Variants in ANK2 observed in about 807,000 individuals in gnomAD.
ANK2 encodes ankyrin-2.
A neutral mutation model predicts 360.5 loss-of-function variants in ANK2; 83 were observed. The observed-to-expected ratio is 0.23, with a 90% CI of 0.19 to 0.28. ANK2 has a LOEUF of 0.28. ANK2 is among the 10% of genes least tolerant of loss of function. The pLI is 1.00. For synonymous variants in ANK2, 1,740 were observed against 1,759.5 expected (o/e 0.99, Z 0.28); for missense variants, 4,201 against 4,795.7 (o/e 0.88, Z 3.66).
At chr4:113,051,608 T>G (rs1393720860) in intron 1 of ANK2, among the ~76,000 whole-genome samples, 1 of 152,108 alleles carries the variant, frequency 6.6e-6, no homozygotes, top group Non-Finnish European at 1.5e-5. Context: ...AGAAATTGCT[T>G]TTGAAAAAAA....
intron 1 of ANK2, among the ~76,000 whole-genome samples, chr4:113,063,927 A>G (rs1189819576): frequency 6.6e-6 from 1 of 152,180 alleles, no homozygotes; most frequent in Admixed American, 6.6e-5. Flanking sequence ...CAAATCCCAC[A>G]TTATTTATGG....
chr4:113,159,841 C>T (rs1277942425), intron 1 of ANK2, among the ~76,000 whole-genome samples: 1 of 151,912 alleles, frequency 6.6e-6, no homozygotes, highest in Non-Finnish European at 1.5e-5. Context: ...AGGCTGGTCT[C>T]AAACTCCTGA....
At chr4:113,103,489 T>A in intron 1 of ANK2, among the ~76,000 whole-genome samples, 1 of 152,274 alleles carries the variant, frequency 6.6e-6, no homozygotes, top group African/African-American at 2.4e-5. Flanking sequence ...AGGAAAAGAA[T>A]GTCAGTGATG....
At chr4:112,968,060 A>C (rs932608768) in intron 2 of ANK2, among the ~76,000 whole-genome samples, 3 of 152,158 alleles carry the variant, frequency 2.0e-5, no homozygotes, top group African/African-American at 7.2e-5. Flanking sequence ...TTTTTATTCC[A>C]GGGAGATTTG....
chr4:113,268,178 C>T (rs1485653104), intron 14 of ANK2, among the ~76,000 whole-genome samples: 1 of 152,110 alleles, frequency 6.6e-6, no homozygotes, highest in African/African-American at 2.4e-5. Context: ...TCAAAATATA[C>T]AATCAAGTCA....
intron 2 of ANK2, among the ~76,000 whole-genome samples, chr4:112,987,923 G>C (rs1021410056): frequency 3.3e-5 from 5 of 152,034 alleles, no homozygotes; most frequent in Admixed American, 6.5e-5. Flanking sequence ...TCAGACCCCA[G>C]AACTGACAGT....
At chr4:113,217,153 T>A (rs1038746335) in intron 4 of ANK2, 4 of 152,182 alleles carry the variant, frequency 2.6e-5, no homozygotes, top group Admixed American at 2.6e-4. Flanking sequence ...TCTCTGTCCT[T>A]TGTATGAAAT....
intron 26 of ANK2, among the ~76,000 whole-genome samples, chr4:113,322,849 T>G (rs967464685): frequency 6.6e-6 from 1 of 152,242 alleles, no homozygotes; most frequent in African/African-American, 2.4e-5. Flanking sequence ...ATATTAATGT[T>G]TATCTAATAT....
At chr4:112,957,705 C>T (rs1581905342) in intron 2 of ANK2, among the ~76,000 whole-genome samples, 1 of 151,182 alleles carries the variant, frequency 6.6e-6, no homozygotes, top group African/African-American at 2.4e-5. Context: ...GACCCCCCCA[C>T]CTCCCTCCCG....
intron 23 of ANK2, among the ~76,000 whole-genome samples, chr4:113,309,105 A>G (rs537671712): frequency 5.6e-4 from 85 of 152,312 alleles, no homozygotes; most frequent in African/African-American, 2.0e-3. Context: ...TTCACTTTCC[A>G]TCTTTCACTG....
rs1175126635 is a variant in ANK2, at chr4:113,304,710, T to C, written c.2548+1871T>C. On this transcript the variant is annotated intron_variant, in intron 23 of 45. Transcript: ENST00000357077. ...TATATCACTCCCTTGGTTGATGATATATTTTAGGTGTGATTAAAAATATAT... is the reference window on the plus strand; with the variant it reads ...TATATCACTCCCTTGGTTGATGATACATTTTAGGTGTGATTAAAAATATAT... Among the ~76,000 whole-genome samples, 6 of 152,334 alleles carry C rather than the reference T, an allele frequency of 3.9e-5. No homozygotes were observed. In the East Asian group the frequency reaches 1.2e-3, roughly 29 times the overall value.
intron 1 of ANK2, among the ~76,000 whole-genome samples, chr4:113,076,027 T>G (rs2079803610): frequency 6.6e-6 from 1 of 152,184 alleles, no homozygotes; most frequent in Non-Finnish European, 1.5e-5. Flanking sequence ...GAAACAAGCA[T>G]TCCAGGAGAT....
chr4:113,087,311 G>A (rs2085345773), intron 1 of ANK2, among the ~76,000 whole-genome samples: 1 of 152,118 alleles, frequency 6.6e-6, no homozygotes, highest in Non-Finnish European at 1.5e-5. Context: ...AATGTTTAGT[G>A]CTGTTAAAAA....
rs17045845 is a variant in ANK2 at position 113,285,053 on chromosome 4, G to A, written c.2079+2181G>A. On this transcript the variant is annotated intron_variant, in intron 18 of 45. Transcript: ENST00000357077. ...AAAATAAAACCAAAAAAGATCCGTCGTTGGGTCCACCAGTGTGTCTTAGGA... is the reference window on the plus strand; with the variant it reads ...AAAATAAAACCAAAAAAGATCCGTCATTGGGTCCACCAGTGTGTCTTAGGA... Among the ~76,000 whole-genome samples the A allele has an allele frequency of 9.2e-3, 1,394 of 152,072 alleles. 34 individuals carry two copies. The highest frequency in any genetic ancestry group is 0.032 in the African/African-American group (1,331 of 41,486).
intron 1 of ANK2, among the ~76,000 whole-genome samples, chr4:113,106,309 C>T (rs1013196638): frequency 1.3e-5 from 2 of 152,098 alleles, no homozygotes; most frequent in Admixed American, 6.5e-5. Flanking sequence ...ACACACATGA[C>T]AAAAAAATTC....
At chr4:112,916,002 G>A (rs534205499) in intron 2 of ANK2, among the ~76,000 whole-genome samples, 1 of 152,076 alleles carries the variant, frequency 6.6e-6, no homozygotes, top group South Asian at 2.1e-4. Flanking sequence ...TAACTCTTTG[G>A]TGTTTTTAAT....
At chr4:113,113,359 A>T (rs965710255) in intron 1 of ANK2, among the ~76,000 whole-genome samples, 1 of 152,180 alleles carries the variant, frequency 6.6e-6, no homozygotes, top group Non-Finnish European at 1.5e-5. Context: ...ATTAAGTTGC[A>T]TGTGGCTAGC....
At chr4:113,025,970 G>GA (rs530825403) in intron 2 of ANK2, among the ~76,000 whole-genome samples, 58 of 152,152 alleles carry the variant, frequency 3.8e-4, no homozygotes, top group Non-Finnish European at 8.2e-4. Context: ...ATGTAAAACA[G>GA]AAACAGCAGG....
chr4:113,363,603 T>A, intron 40 of ANK2, 134 bp downstream of exon 40: 1 of 943,528 alleles, frequency 1.1e-6, no homozygotes, highest in Admixed American at 1.9e-5. Flanking sequence ...TTGAGTAATA[T>A]CATTTTGTTC....
Sources: allele counts gnomAD v4.1 joint callset (sites outside exome capture counted in the v4.1 genomes callset), GRCh38; gene constraint gnomAD v4.1.1; transcripts MANE v1.5; gene names NCBI Gene and HGNC (gene_info 2026-07-23, HGNC 2026-07-21).